DMD: variants seen among roughly 807,000 people sequenced by gnomAD.
DMD encodes dystrophin.
DMD carries 63 observed loss-of-function variants against 330.1 expected under a neutral mutation model. That is an observed-to-expected ratio of 0.19 (90% CI 0.16 to 0.24). The LOEUF (loss-of-function observed/expected upper bound fraction) is 0.24, where lower values mean the gene tolerates loss of function less well. DMD is among the 10% of genes least tolerant of loss of function. The pLI is 1.00. For synonymous variants in DMD, 1,223 were observed against 959.8 expected (o/e 1.27, Z -5.07); for missense variants, 3,344 against 2,684.1 (o/e 1.25, Z -5.43).
intron 60 of DMD, among the ~76,000 whole-genome samples, chrX:31,423,386 G>GA (rs916772985): frequency 5.5e-5 from 6 of 109,653 alleles, no homozygotes; most frequent in East Asian, 2.8e-4. Context: ...TATTTTACTG[G>GA]AAAAAAAAAT....
intron 54 of DMD, among the ~76,000 whole-genome samples, chrX:31,647,726 G>T (rs1484591993): frequency 8.9e-6 from 1 of 112,208 alleles, no homozygotes; most frequent in Non-Finnish European, 1.9e-5. Flanking sequence ...ATCTACAAAG[G>T]TGATTGAATT....
chrX:32,496,645 CAT>C (rs1278159565), intron 19 of DMD, among the ~76,000 whole-genome samples: 10 of 112,886 alleles, frequency 8.9e-5, no homozygotes, highest in African/African-American at 2.9e-4. Flanking sequence ...CTTTCACACA[CAT>C]GGACACACAC....
intron 44 of DMD, among the ~76,000 whole-genome samples, chrX:32,190,116 A>G (rs2096966388): frequency 9.0e-6 from 1 of 110,775 alleles, no homozygotes; most frequent in Admixed American, 9.7e-5. Context: ...AGAAGAGAGT[A>G]CTATTGGCAT....
chrX:32,390,310 G>A, intron 30 of DMD, 129 bp from the exon 31 acceptor site: 1 of 529,457 alleles, frequency 1.9e-6, no homozygotes, highest in East Asian at 3.7e-5. Context: ...ACCGTAAATT[G>A]GCCAAGAGTG....
At chrX:32,916,622 T>G (rs1382044273) in intron 2 of DMD, among the ~76,000 whole-genome samples, 1 of 111,650 alleles carries the variant, frequency 9.0e-6, no homozygotes, top group African/African-American at 3.2e-5. Flanking sequence ...CATAGAAACT[T>G]TTTAAAGATG....
chrX:33,163,654 A>ATCTATCTG (rs2048914665), intron 1 of DMD, among the ~76,000 whole-genome samples: 1 of 108,501 alleles, frequency 9.2e-6, no homozygotes, highest in Non-Finnish European at 1.9e-5. Context: ...CTATCTATCT[A>ATCTATCTG]TCTATATAAA....
intron 71 of DMD, among the ~76,000 whole-genome samples, chrX:31,174,556 C>G (rs369897823): frequency 9.0e-6 from 1 of 111,223 alleles, no homozygotes. Context: ...CACAAAAGGT[C>G]TCTTCCATTT....
intron 1 of DMD, among the ~76,000 whole-genome samples, chrX:33,338,347 CTTATAA>C (rs1017926268): frequency 1.8e-5 from 2 of 110,189 alleles, no homozygotes; most frequent in African/African-American, 3.3e-5. Context: ...CTTAAAAGTA[CTTATAA>C]TTATAATCCA....
rs533161766 is a variant in DMD, at chrX:32,487,357, G to GA, written c.2623-2259dup. On this transcript the variant is annotated intron_variant, in intron 20 of 78. Transcript: ENST00000357033. ...ACAATTCATATATATGCTGTCTTTA[G>GA]AAAAAAATACTTGAGGGTTAGTTAC... 3.3e-3 allele frequency among the ~76,000 whole-genome samples: 360 copies of GA among 110,500 alleles called. 3 individuals carry two copies. In the South Asian group the frequency reaches 0.057, roughly 17 times the overall value.
At chrX:32,039,911 G>A (rs2095985737) in intron 44 of DMD, among the ~76,000 whole-genome samples, 1 of 110,790 alleles carries the variant, frequency 9.0e-6, no homozygotes, top group African/African-American at 3.3e-5. Context: ...TTGTCTTTCT[G>A]TGCCTGGGGG....
chrX:31,994,507 G>A (rs900463726), intron 44 of DMD, among the ~76,000 whole-genome samples: 4 of 111,427 alleles, frequency 3.6e-5, no homozygotes, highest in Non-Finnish European at 7.5e-5. Context: ...ATCTTCTTAA[G>A]GAGCTCAAAC....
intron 55 of DMD, among the ~76,000 whole-genome samples, chrX:31,547,608 G>A (rs1382788704): frequency 9.0e-6 from 1 of 111,691 alleles, no homozygotes. Context: ...TAGTGCATGG[G>A]GTTAAATTTC....
intron 1 of DMD, among the ~76,000 whole-genome samples, chrX:33,191,580 C>T (rs1415882797): frequency 1.8e-5 from 2 of 110,919 alleles, no homozygotes; most frequent in African/African-American, 3.3e-5. Context: ...TGCACCACCA[C>T]GTCCAGCTAA....
chrX:31,336,169 T>C (rs948282396), intron 61 of DMD, among the ~76,000 whole-genome samples: 1 of 112,602 alleles, frequency 8.9e-6, no homozygotes, highest in African/African-American at 3.2e-5. Flanking sequence ...TCCTCAGGCA[T>C]AGGTCACTGT....
At chrX:32,081,694 A>C (rs2096392711) in intron 44 of DMD, among the ~76,000 whole-genome samples, 1 of 111,080 alleles carries the variant, frequency 9.0e-6, no homozygotes, top group Admixed American at 9.6e-5. Context: ...GTCTCTACTA[A>C]AAATACAAAA....
At chrX:31,447,776 A>ATGGG (rs2065393612) in intron 59 of DMD, among the ~76,000 whole-genome samples, 1 of 110,139 alleles carries the variant, frequency 9.1e-6, no homozygotes, top group Non-Finnish European at 1.9e-5. Flanking sequence ...AGGTGGGTGG[A>ATGGG]TGGGTGGATC....
At chrX:32,505,341 A>G (rs5972590) in intron 18 of DMD, among the ~76,000 whole-genome samples, 47,911 of 111,116 alleles carry the variant, frequency 0.43, 8,269 homozygotes, top group African/African-American at 0.65. Context: ...AACAAACTAA[A>G]ACATGGGCAA....
chrX:31,314,807 GAAGA>G (rs146218610), intron 62 of DMD, among the ~76,000 whole-genome samples: 2,690 of 75,839 alleles, frequency 0.035, 44 homozygotes, highest in Middle Eastern at 0.072. Flanking sequence ...CATTTTTCCT[GAAGA>G]AAGTATTTAA....
At chrX:31,336,032 C>T (rs756507077) in intron 61 of DMD, among the ~76,000 whole-genome samples, 1 of 112,708 alleles carries the variant, frequency 8.9e-6, no homozygotes, top group South Asian at 3.7e-4. Flanking sequence ...GAAGAGCTGC[C>T]CCTGTAAGGG....
Sources: gnomAD v4.1 joint callset for allele counts (sites outside exome capture counted in the v4.1 genomes callset) on GRCh38, gnomAD v4.1.1 for gene constraint, MANE v1.5 for transcripts, NCBI Gene and HGNC (gene_info 2026-07-23, HGNC 2026-07-21) for gene names.